ESRRG: variants seen among roughly 807,000 people sequenced by gnomAD.
ESRRG encodes estrogen related receptor gamma.
ESRRG carries 13 observed loss-of-function variants against 44.0 expected under a neutral mutation model. The observed-to-expected ratio is 0.30, with a 90% CI of 0.19 to 0.47. The LOEUF (loss-of-function observed/expected upper bound fraction) is 0.47, where lower values mean the gene tolerates loss of function less well. ESRRG is among the 20% of genes least tolerant of loss of function. The pLI is 1.00. For missense variants in ESRRG, 395 were observed against 580.6 expected, an observed-to-expected ratio of 0.68 and a Z score of 3.29; for synonymous variants, 215 against 214.6, an observed-to-expected ratio of 1.00 and a Z score of -0.02.
At chr1:217,108,140 C>G (rs1458022021) in intron 1 of ESRRG, among the ~76,000 whole-genome samples, 7 of 152,142 alleles carry the variant, frequency 4.6e-5, no homozygotes, top group African/African-American at 1.7e-4. Flanking sequence ...AACACAAACT[C>G]TTAACTTGCC....
At chr1:216,768,110 G>T (rs2093176997) in intron 2 of ESRRG, among the ~76,000 whole-genome samples, 1 of 152,096 alleles carries the variant, frequency 6.6e-6, no homozygotes, top group Admixed American at 6.6e-5. Context: ...CACACTTTCA[G>T]TTGAGGAAAT....
At chr1:216,866,544 T>C (rs950323346) in intron 2 of ESRRG, among the ~76,000 whole-genome samples, 1 of 150,086 alleles carries the variant, frequency 6.7e-6, no homozygotes, top group South Asian at 2.1e-4. Context: ...GATATCTTTA[T>C]CTTTCTTTGT....
chr1:216,671,483 C>CA (rs1261858666), intron 2 of ESRRG, among the ~76,000 whole-genome samples: 1 of 152,142 alleles, frequency 6.6e-6, no homozygotes, highest in Admixed American at 6.5e-5. Flanking sequence ...CACGAACCAT[C>CA]CAGCCTCTGG....
chr1:217,022,852 G>A (rs2080567302), intron 1 of ESRRG, among the ~76,000 whole-genome samples: 1 of 152,102 alleles, frequency 6.6e-6, no homozygotes. Flanking sequence ...AGTAAGGAAG[G>A]GAGGGAGGAA....
intron 1 of ESRRG, among the ~76,000 whole-genome samples, chr1:216,974,863 T>A (rs1052657853): frequency 3.3e-5 from 5 of 151,590 alleles, no homozygotes; most frequent in Non-Finnish European, 7.4e-5. Flanking sequence ...TGGGTTACAC[T>A]TCCTTTTGTG....
In ESRRG at chr1:217,106,840, C is replaced by T. The variant is rs75968109; in HGVS notation, c.-230+30827G>A. Among the ~76,000 whole-genome samples the T allele has an allele frequency of 8.8e-3, 1,340 of 152,246 alleles. 19 individuals are homozygous for T. Among genetic ancestry groups the T allele is most frequent in the Admixed American group, 0.028 (435 of 15,290 alleles). On this transcript the variant is annotated intron_variant, in intron 1 of 8. Coordinates refer to the ESRRG transcript ENST00000366940. ...CCTGTCACTCTAAAGTGAGCATCGCCGTAAAAATTCTTCATGGCAAACAAT... is the reference window on the plus strand; with the variant it reads ...CCTGTCACTCTAAAGTGAGCATCGCTGTAAAAATTCTTCATGGCAAACAAT...
At chr1:216,966,904 C>T (rs1245176164) in intron 1 of ESRRG, among the ~76,000 whole-genome samples, 1 of 152,030 alleles carries the variant, frequency 6.6e-6, no homozygotes, top group Non-Finnish European at 1.5e-5. Context: ...GGATGGAATC[C>T]CACTCTTAGT....
chr1:216,775,263 A>T (rs575312792), intron 2 of ESRRG, among the ~76,000 whole-genome samples: 12 of 152,102 alleles, frequency 7.9e-5, no homozygotes, highest in African/African-American at 2.7e-4. Context: ...GGGTTCTAAG[A>T]TCGGCTTCTT....
rs546995812 is a variant in ESRRG, at chr1:216,669,901, A to AG, written c.472+7174_472+7175insC. ...ACTCTGTCTCAAAAAAAAGAAAAAA[A>AG]AAAGTTAAAGCAATGAATTATATAC... is the stretch of plus-strand genomic sequence containing the variant. On this transcript the variant is annotated intron_variant, in intron 2 of 6. Coordinates refer to ENST00000408911, the MANE Select transcript of ESRRG (RefSeq NM_001438.4). Among the ~76,000 whole-genome samples the AG allele has an allele frequency of 1.7e-3, 265 of 152,204 alleles. 1 individual carries two copies. The highest frequency in any genetic ancestry group is 3.0e-3 in the Non-Finnish European group (205 of 67,996).
chr1:216,767,321 C>G (rs2093133570), intron 2 of ESRRG, among the ~76,000 whole-genome samples: 1 of 152,012 alleles, frequency 6.6e-6, no homozygotes, highest in South Asian at 2.1e-4. Context: ...TTCAAAGACA[C>G]TATTTCTGAA....
intron 6 of ESRRG, among the ~76,000 whole-genome samples, chr1:216,518,455 T>C (rs1433610027): frequency 6.6e-6 from 1 of 152,152 alleles, no homozygotes; most frequent in Non-Finnish European, 1.5e-5. Flanking sequence ...AGGTATCTAA[T>C]GATCGGCACG....
At chr1:216,539,296 C>CATATAT (rs144235155) in intron 5 of ESRRG, among the ~76,000 whole-genome samples, 2 of 150,270 alleles carry the variant, frequency 1.3e-5, no homozygotes, top group African/African-American at 4.9e-5. Context: ...GAAGAATTTT[C>CATATAT]ATATATATAT....
intron 2 of ESRRG, among the ~76,000 whole-genome samples, chr1:216,656,891 TG>T (rs912663556): frequency 3.3e-5 from 5 of 152,272 alleles, no homozygotes; most frequent in African/African-American, 1.2e-4. Flanking sequence ...GCACTCCAAG[TG>T]GGGTTTATCC....
At chr1:217,124,987 A>C (rs1255227505) in intron 1 of ESRRG, among the ~76,000 whole-genome samples, 1 of 152,158 alleles carries the variant, frequency 6.6e-6, no homozygotes, top group Non-Finnish European at 1.5e-5. Context: ...TTCTGTCTTA[A>C]CCATCACCCA....
intron 1 of ESRRG, among the ~76,000 whole-genome samples, chr1:216,698,417 G>C (rs1249699351): frequency 1.3e-5 from 2 of 151,020 alleles, no homozygotes; most frequent in African/African-American, 4.9e-5. Context: ...TACTCGGGAA[G>C]CTGAAGCAGG....
intron 2 of ESRRG, among the ~76,000 whole-genome samples, chr1:216,763,635 T>C (rs373833139): frequency 1.1e-3 from 175 of 152,288 alleles, no homozygotes; most frequent in African/African-American, 3.9e-3. Context: ...TTCAATTCTA[T>C]TTTTTGATTT....
intron 2 of ESRRG, among the ~76,000 whole-genome samples, chr1:216,866,430 CA>C (rs1373458986): frequency 1.3e-5 from 2 of 152,098 alleles, no homozygotes; most frequent in African/African-American, 2.4e-5. Context: ...GGGAAAGCAA[CA>C]AGCATGTACA....
chr1:216,678,576 T>G (rs562583746), intron 1 of ESRRG, among the ~76,000 whole-genome samples: 1 of 152,334 alleles, frequency 6.6e-6, no homozygotes, highest in South Asian at 2.1e-4. Flanking sequence ...ACTTCATCCC[T>G]TTTTCTTTGT....
At chr1:216,638,512 A>G (rs2065758550) in intron 3 of ESRRG, among the ~76,000 whole-genome samples, 1 of 152,068 alleles carries the variant, frequency 6.6e-6, no homozygotes, top group South Asian at 2.1e-4. Flanking sequence ...ATAGTCACAG[A>G]CTCCATTTGA....
Sources: allele counts gnomAD v4.1 joint callset (sites outside exome capture counted in the v4.1 genomes callset), GRCh38; gene constraint gnomAD v4.1.1; transcripts MANE v1.5; gene names NCBI Gene and HGNC (gene_info 2026-07-23, HGNC 2026-07-21).